The following ASAP1 variants were observed in gnomAD, a reference collection of about 807,000 sequenced individuals.
ASAP1 encodes the protein ArfGAP with SH3 domain, ankyrin repeat and PH domain 1.
In ASAP1, 43 loss-of-function variants were observed where a neutral mutation model predicts 145.2. That is an observed-to-expected ratio of 0.30 (90% CI 0.23 to 0.38). The LOEUF is 0.38. ASAP1 is among the 10% of genes least tolerant of loss of function. ASAP1 has a pLI of 1.00. For missense variants in ASAP1, 1,018 were observed against 1,355.3 expected (o/e 0.75, Z 3.91); for synonymous variants, 546 against 515.5 (o/e 1.06, Z -0.80).
In ASAP1 at chr8:130,179,216, AG is replaced by A. The variant is rs1565056890; in HGVS notation, c.746+47del. On this transcript the variant is annotated intron_variant, in intron 9 of 29. Coordinates refer to ENST00000518721, the MANE Select transcript of ASAP1 (RefSeq NM_018482.4). ...AGGATTAAGACAAATAATGAAGTAC[AG>A]GGGGCAGTAATTGGGCTAATAACAA... The A allele has an allele frequency of 4.4e-6, 5 of 1,146,390 alleles. No individual in the cohort carries two copies. In the South Asian group the frequency reaches 5.1e-5, roughly 12 times the overall value. 71.0% of individuals were successfully genotyped at this position (1,146,390 alleles called of 1,614,324 possible).
intron 29 of ASAP1, among the ~76,000 whole-genome samples, chr8:130,055,934 G>T (rs2097403087): frequency 6.6e-6 from 1 of 152,172 alleles, no homozygotes; most frequent in South Asian, 2.1e-4. Flanking sequence ...ATCACAGTTA[G>T]CATGTGTGTG....
At chr8:130,169,735 T>A (rs996623462) in intron 9 of ASAP1, among the ~76,000 whole-genome samples, 1 of 152,260 alleles carries the variant, frequency 6.6e-6, no homozygotes, top group Non-Finnish European at 1.5e-5. Context: ...TGATTTCATG[T>A]ACACAACTCT....
intron 23 of ASAP1, among the ~76,000 whole-genome samples, chr8:130,113,322 C>T (rs1369774851): frequency 6.6e-6 from 1 of 152,196 alleles, no homozygotes. Flanking sequence ...CTTCCCTTGG[C>T]ACGTGGTGTT....
intron 3 of ASAP1, among the ~76,000 whole-genome samples, chr8:130,317,261 A>T (rs1361410710): frequency 6.6e-6 from 1 of 152,194 alleles, no homozygotes; most frequent in African/African-American, 2.4e-5. Context: ...TTCACTCACC[A>T]ATCCCCATAT....
chr8:130,419,604 G>A (rs111307562), intron 1 of ASAP1, among the ~76,000 whole-genome samples: 6,511 of 152,128 alleles, frequency 0.043, 239 homozygotes, highest in African/African-American at 0.099. Flanking sequence ...TCCCTTTTCC[G>A]TCTGACTCTG....
chr8:130,169,006 C>T lies in ASAP1; in HGVS notation c.808G>A (p.Ala270Thr). The change falls in exon 10 of 30, where the codon GCT becomes ACT. Residue 270 changes from alanine (A) to threonine (T), a missense_variant. Coordinates refer to ENST00000518721, the MANE Select transcript of ASAP1 (RefSeq NM_018482.4). ...AAAGAACTTACATTATATAAATCAG[C>T]AGCCAGTTTTTCAATGTACTGTTTC... ...KLKQYIEKLAADLYNIKQTQD... is the reference protein window; with the variant it reads ...KLKQYIEKLATDLYNIKQTQD... 6.4e-7 allele frequency: 1 copy of T among 1,572,958 alleles called. No homozygotes were observed.
intron 7 of ASAP1, among the ~76,000 whole-genome samples, chr8:130,186,956 T>C (rs779126034): frequency 6.6e-6 from 1 of 152,300 alleles, no homozygotes; most frequent in South Asian, 2.1e-4. Context: ...CATAGCCCTA[T>C]AACTTGATAG....
At chr8:130,057,355 AT>A (rs1348108790) in intron 29 of ASAP1, among the ~76,000 whole-genome samples, 1 of 152,234 alleles carries the variant, frequency 6.6e-6, no homozygotes, top group Non-Finnish European at 1.5e-5. Flanking sequence ...TATATGAAAA[AT>A]CAGAAAATGC....
chr8:130,173,903 T>C (rs1275233116), intron 9 of ASAP1, among the ~76,000 whole-genome samples: 1 of 149,100 alleles, frequency 6.7e-6, no homozygotes, highest in Admixed American at 6.7e-5. Context: ...TAAAACCTTG[T>C]CTCTACTAAA....
At chr8:130,401,802 T>C in intron 2 of ASAP1, 83 bp downstream of exon 2, 1 of 1,309,732 alleles carries the variant, frequency 7.6e-7, no homozygotes, top group Non-Finnish European at 1.1e-6. Flanking sequence ...TTTGATAAAA[T>C]TTTGCATTTC....
At chr8:130,376,903 CAAAAAAAA>C (rs34006260) in intron 2 of ASAP1, among the ~76,000 whole-genome samples, 4 of 26,004 alleles carry the variant, frequency 1.5e-4, no homozygotes, top group African/African-American at 4.5e-4. Context: ...AACTCCATCT[CAAAAAAAA>C]AAAAAAAAAA....
Position 130,274,528 on chromosome 8 carries a change from G to C in ASAP1, c.187-37534C>G, listed in dbSNP as rs535961217. Among the ~76,000 whole-genome samples the C allele has an allele frequency of 7.2e-5, 11 of 152,320 alleles. No individual in the cohort carries two copies. In the South Asian group the frequency reaches 1.5e-3, roughly 20 times the overall value. ...TACCTTAAATCCTAAATGGAAAACA[G>C]GTAAGGGGATACTTAACCCCGCCAC... On this transcript the variant is annotated intron_variant, in intron 3 of 29. Transcript: ENST00000518721.
At position 130,231,863 on chromosome 8, in the gene ASAP1, T is replaced by C. The variant is rs563421340; in HGVS notation, c.259+5059A>G. 7.2e-5 allele frequency among the ~76,000 whole-genome samples: 11 copies of C among 152,374 alleles called. No homozygotes were observed. The South Asian group carries it at 1.9e-3, about 26-fold the overall frequency. On this transcript the variant is annotated intron_variant, in intron 4 of 29. Coordinates refer to ENST00000518721, the MANE Select transcript of ASAP1 (RefSeq NM_018482.4). ...TTTCTCAAGCCACACCTGACTTACG[T>C]GCATTCACATGCCCATGCTTCCAAG...
rs1192208363 is a variant in ASAP1, at chr8:130,276,722, ACACACACTCTCT to A, written c.187-39740_187-39729del. Among the ~76,000 whole-genome samples, 95 of 110,714 alleles carry A rather than the reference ACACACACTCTCT, an allele frequency of 8.6e-4. 1 individual carries two copies. Among genetic ancestry groups the A allele is most frequent in the African/African-American group, 2.8e-3 (90 of 31,698 alleles). The allele number at this position is 110,714 out of a possible 152,430, so 72.6% of individuals were successfully genotyped here. On this transcript the variant is annotated intron_variant, in intron 3 of 29. Coordinates refer to ENST00000518721, the MANE Select transcript of ASAP1 (RefSeq NM_018482.4). Reference sequence around the variant, plus strand: ...CACACACACACACACACACACACACACACACACTCTCTCTCTCTCTCTCTCTCTCTCTCTCTC... The same window carrying A: ...CACACACACACACACACACACACACACTCTCTCTCTCTCTCTCTCTCTCTC...
intron 24 of ASAP1, among the ~76,000 whole-genome samples, chr8:130,097,095 C>T (rs1319335437): frequency 3.2e-5 from 4 of 125,286 alleles, no homozygotes; most frequent in Non-Finnish European, 4.7e-5. Context: ...CACTGCACTC[C>T]AGCCTAGGAG....
chr8:130,302,084 A>G (rs1396885642), intron 3 of ASAP1, among the ~76,000 whole-genome samples: 2 of 152,268 alleles, frequency 1.3e-5, no homozygotes, highest in African/African-American at 2.4e-5. Flanking sequence ...TAAATAGATA[A>G]TCTGCCTACA....
chr8:130,312,829 C>T (rs140905311), intron 3 of ASAP1, among the ~76,000 whole-genome samples: 1 of 152,220 alleles, frequency 6.6e-6, no homozygotes, highest in East Asian at 1.9e-4. Flanking sequence ...TTAGTCATAC[C>T]CTAGCATTCT....
At chr8:130,141,705 C>T (rs761711434) in intron 13 of ASAP1, among the ~76,000 whole-genome samples, 5 of 152,084 alleles carry the variant, frequency 3.3e-5, no homozygotes, top group African/African-American at 4.8e-5. Context: ...CGCTACCACA[C>T]GAGGCTAATT....
At chr8:130,397,356 G>T (rs1828579952) in intron 2 of ASAP1, among the ~76,000 whole-genome samples, 1 of 152,122 alleles carries the variant, frequency 6.6e-6, no homozygotes, top group African/African-American at 2.4e-5. Context: ...GGCCAGGCTG[G>T]TCTCAAACTC....
Sources: allele counts gnomAD v4.1 joint callset (sites outside exome capture counted in the v4.1 genomes callset), GRCh38; gene constraint gnomAD v4.1.1; transcripts MANE v1.5; gene names NCBI Gene and HGNC (gene_info 2026-07-23, HGNC 2026-07-21).